SLC30A4: variants seen among roughly 807,000 people sequenced by gnomAD.
SLC30A4 encodes solute carrier family 30 member 4.
SLC30A4 carries 20 observed loss-of-function variants against 41.7 expected under a neutral mutation model. The ratio of observed to expected loss-of-function variants is 0.48; its 90% CI spans 0.34 to 0.70. The LOEUF (loss-of-function observed/expected upper bound fraction) is 0.70. SLC30A4 is among the 30% of genes least tolerant of loss of function. SLC30A4 has a pLI of 0.01. For synonymous variants in SLC30A4, 181 were observed against 195.9 expected (o/e 0.92, Z 0.64); for missense variants, 441 against 529.3 (o/e 0.83, Z 1.64).
chr15:45,512,101 G>A (rs1202309810), intron 2 of SLC30A4, among the ~76,000 whole-genome samples: 1 of 152,076 alleles, frequency 6.6e-6, no homozygotes, highest in Non-Finnish European at 1.5e-5. Context: ...GGTACAAAAG[G>A]TAGTATTTAG....
Position 45,482,576 on chromosome 15 carries a change from G to C in SLC30A4, c.*2587C>G, listed in dbSNP as rs1013169569. 1 of 152,076 alleles carries C rather than the reference G, an allele frequency of 6.6e-6. No individual in the cohort carries two copies. Among genetic ancestry groups the C allele is most frequent in the Non-Finnish European group, 1.5e-5 (1 of 68,030 alleles). 9.4% of individuals were successfully genotyped at this position (152,076 alleles called of 1,614,324 possible). A position where few individuals can be genotyped will look rare whatever the true frequency, so the allele number is the denominator to read the frequency against. On this transcript the variant is annotated 3_prime_UTR_variant, in exon 8 of 8. Transcript: ENST00000261867. ...CTCAATAGATATAAAAAAATGATTA[G>C]AGTATGATGAATATTTTTTTCCTTT... is the stretch of plus-strand genomic sequence containing the variant.
In SLC30A4 at chr15:45,479,642, A is replaced by G. The variant is rs1202732610; in HGVS notation, c.*5521T>C. 2 of 152,142 alleles carry G rather than the reference A, an allele frequency of 1.3e-5. No homozygotes were observed. The highest frequency in any genetic ancestry group is 2.9e-5 in the Non-Finnish European group (2 of 68,014). The allele number at this position is 152,142 out of a possible 1,614,324, so 9.4% of individuals were successfully genotyped here. A position where few individuals can be genotyped will look rare whatever the true frequency, so the allele number is the denominator to read the frequency against. ...TTTTTCAGTTTTATTTCTTAAACATATAAGAGGGCATTATAAAATGACATT... is the reference window on the plus strand; with the variant it reads ...TTTTTCAGTTTTATTTCTTAAACATGTAAGAGGGCATTATAAAATGACATT... On this transcript the variant is annotated 3_prime_UTR_variant, in exon 8 of 8. Transcript: ENST00000261867.
chr15:45,485,422 G>T, intron 7 of SLC30A4, 105 bp from the exon 8 acceptor site: 1 of 740,312 alleles, frequency 1.4e-6, no homozygotes, highest in Non-Finnish European at 2.1e-6. Context: ...ATTTTTATTA[G>T]TCTGATTTCT....
At chr15:45,504,513 A>C (rs1892108596) in intron 3 of SLC30A4, among the ~76,000 whole-genome samples, 1 of 152,224 alleles carries the variant, frequency 6.6e-6, no homozygotes, top group Non-Finnish European at 1.5e-5. Context: ...AAAAGCAATA[A>C]ATGTGATTTG....
chr15:45,522,200 T>C lies in SLC30A4; in HGVS notation c.155A>G (p.Asp52Gly). Reference protein sequence around the residue: ...RFNKLRVVVADDGSEAPERPV... With the variant: ...RFNKLRVVVAGDGSEAPERPV... Reference sequence around the variant, plus strand: ...CCTTTCCGGGGCTTCGGAACCGTCATCGGCCACCACAACTCGAAGTTTGTT... The same window carrying C: ...CCTTTCCGGGGCTTCGGAACCGTCACCGGCCACCACAACTCGAAGTTTGTT... Residue 52 changes from aspartate (D) to glycine (G), a missense_variant, in exon 2 of 8, where the codon GAT becomes GGT. By Grantham distance (94) the Asp-to-Gly change is moderately conservative. Around this residue, in one of 3 missense-constraint regions of SLC30A4, gnomAD observed 312 missense variants for 341.9 expected, o/e 0.91. Coordinates refer to ENST00000261867, the MANE Select transcript of SLC30A4 (RefSeq NM_013309.6). 5 of 1,614,222 alleles carry C rather than the reference T, an allele frequency of 3.1e-6. No individual in the cohort carries two copies. The highest frequency in any genetic ancestry group is 4.2e-6 in the Non-Finnish European group (5 of 1,180,042).
At chr15:45,521,897 G>GT in intron 2 of SLC30A4, 67 bp downstream of exon 2, 5 of 1,504,400 alleles carry the variant, frequency 3.3e-6, no homozygotes, top group Non-Finnish European at 4.5e-6. Flanking sequence ...CAAAGCCTGT[G>GT]TAACTACAGC....
intron 2 of SLC30A4, among the ~76,000 whole-genome samples, chr15:45,517,820 C>T (rs760515582): frequency 7.2e-5 from 11 of 151,934 alleles, no homozygotes; most frequent in South Asian, 2.1e-4. Flanking sequence ...CGGTGGGGGG[C>T]GCCTGTAGTC....
chr15:45,521,554 G>A (rs1303650448), intron 2 of SLC30A4, among the ~76,000 whole-genome samples: 1 of 151,814 alleles, frequency 6.6e-6, no homozygotes, highest in Non-Finnish European at 1.5e-5. Flanking sequence ...AAAAAAAGGA[G>A]GTGGAGCAGG....
chr15:45,490,310 A>C (rs1891786717), intron 4 of SLC30A4, among the ~76,000 whole-genome samples: 1 of 152,140 alleles, frequency 6.6e-6, no homozygotes, highest in Admixed American at 6.5e-5. Context: ...GGCTGTCTTG[A>C]ACTCTAGAGC....
intron 2 of SLC30A4, chr15:45,515,703 T>G (rs187269766): frequency 9.2e-5 from 14 of 151,680 alleles, no homozygotes; most frequent in Admixed American, 8.5e-4. Flanking sequence ...ATTTCAACTA[T>G]GTTTTTATTG....
chr15:45,493,092 CA>C (rs1390930243), intron 3 of SLC30A4, among the ~76,000 whole-genome samples: 1 of 151,870 alleles, frequency 6.6e-6, no homozygotes. Flanking sequence ...ACCAACATGG[CA>C]AAAGCCCGTC....
rs1422094943 is a variant in SLC30A4 at position 45,481,077 on chromosome 15, G to A, written c.*4086C>T. On this transcript the variant is annotated 3_prime_UTR_variant, in exon 8 of 8. Coordinates refer to ENST00000261867, the MANE Select transcript of SLC30A4 (RefSeq NM_013309.6). ...ACTATGTCTATTCTGGAAAGTCTAT[G>A]AAAGACAAACACTGTCAGGTGGAAC... 1 of 152,238 alleles carries A rather than the reference G, an allele frequency of 6.6e-6. No individual in the cohort carries two copies. The highest frequency in any genetic ancestry group is 1.5e-5 in the Non-Finnish European group (1 of 68,040). 9.4% of individuals were successfully genotyped at this position (152,238 alleles called of 1,614,324 possible).
chr15:45,514,796 T>G (rs1892416018), intron 2 of SLC30A4, among the ~76,000 whole-genome samples: 3 of 152,130 alleles, frequency 2.0e-5, no homozygotes, highest in Admixed American at 2.0e-4. Context: ...ATTACAGGCA[T>G]GAGCCACCGT....
intron 4 of SLC30A4, 44 bp from the exon 5 acceptor site, chr15:45,489,086 A>G: frequency 7.0e-7 from 1 of 1,432,306 alleles, no homozygotes; most frequent in Non-Finnish European, 9.6e-7. Context: ...CCCAATATTG[A>G]CAAAAACATT....
chr15:45,484,134 A>G lies in SLC30A4; in HGVS notation c.*1029T>C, dbSNP rs1434556294. 3 of 152,644 alleles carry G rather than the reference A, an allele frequency of 2.0e-5. No homozygotes were observed. The East Asian group carries it at 5.8e-4, about 29-fold the overall frequency. 9.5% of individuals were successfully genotyped at this position (152,644 alleles called of 1,614,324 possible). A position where few individuals can be genotyped will look rare whatever the true frequency, so the allele number is the denominator to read the frequency against. ...ATTAATGTTGTTGAACTATATGTGA[A>G]AGGTGGGAATTATAAACTGAACCCT... On this transcript the variant is annotated 3_prime_UTR_variant, in exon 8 of 8. Transcript: ENST00000261867.
At chr15:45,492,509 G>A (rs1891829443) in intron 3 of SLC30A4, among the ~76,000 whole-genome samples, 1 of 151,974 alleles carries the variant, frequency 6.6e-6, no homozygotes, top group Admixed American at 6.6e-5. Flanking sequence ...ATTTTCTTAA[G>A]GCATGCAAAT....
chr15:45,521,531 CTTACA>C (rs1463735373), intron 2 of SLC30A4, among the ~76,000 whole-genome samples: 2 of 147,884 alleles, frequency 1.4e-5, no homozygotes, highest in Non-Finnish European at 2.9e-5. Context: ...CCTGGAAATC[CTTACA>C]TGTAAAAAAA....
At chr15:45,514,183 T>C (rs1406545137) in intron 2 of SLC30A4, among the ~76,000 whole-genome samples, 1 of 151,920 alleles carries the variant, frequency 6.6e-6, no homozygotes, top group African/African-American at 2.4e-5. Flanking sequence ...CTGTCTCTAC[T>C]AAAAATACAA....
Position 45,500,613 on chromosome 15 carries a change from T to G in SLC30A4, c.539-9732A>C, listed in dbSNP as rs867091354. On this transcript the variant is annotated intron_variant, in intron 3 of 7. Coordinates refer to ENST00000261867, the MANE Select transcript of SLC30A4 (RefSeq NM_013309.6). ...GTACTATCCAGCTATGTTAAGGGTCTGTCTATCTATCTATCTATCTATCTA... is the reference window on the plus strand; with the variant it reads ...GTACTATCCAGCTATGTTAAGGGTCGGTCTATCTATCTATCTATCTATCTA... Among the ~76,000 whole-genome samples the G allele has an allele frequency of 5.9e-4, 74 of 124,520 alleles. 2 individuals carry two copies. The highest frequency in any genetic ancestry group is 3.0e-3 in the South Asian group (11 of 3,650). The allele number at this position is 124,520 out of a possible 152,430, so 81.7% of individuals were successfully genotyped here. A position where few individuals can be genotyped will look rare whatever the true frequency, so the allele number is the denominator to read the frequency against.
Sources: allele counts gnomAD v4.1 joint callset (sites outside exome capture counted in the v4.1 genomes callset), GRCh38; gene constraint gnomAD v4.1.1; regional missense constraint gnomAD v4.1.1; transcripts MANE v1.5; gene names NCBI Gene and HGNC (gene_info 2026-07-23, HGNC 2026-07-21).